Variants in UBR3 observed in about 807,000 individuals in gnomAD.
The protein encoded by UBR3 is ubiquitin protein ligase E3 component n-recognin 3, also known as E3 ubiquitin-protein ligase UBR3.
In UBR3, 85 loss-of-function variants were observed where a neutral mutation model predicts 243.2. That is an observed-to-expected ratio of 0.35 (90% confidence interval 0.29 to 0.42). The LOEUF (loss-of-function observed/expected upper bound fraction) is 0.42, where lower values mean the gene tolerates loss of function less well. UBR3 is among the 10% of genes least tolerant of loss of function. The pLI is 1.00. For missense variants in UBR3, 1,686 were observed against 2,300.8 expected (o/e 0.73, Z 5.47); for synonymous variants, 748 against 799.8 (o/e 0.94, Z 1.09).
chr2:169,868,980 T>A (rs991841760), intron 1 of UBR3, among the ~76,000 whole-genome samples: 7 of 152,314 alleles, frequency 4.6e-5, no homozygotes, highest in Non-Finnish European at 8.8e-5. Flanking sequence ...TCAGTTGTCC[T>A]GTATAATGTC....
chr2:169,977,318 A>G (rs1279824861), intron 24 of UBR3, among the ~76,000 whole-genome samples: 2 of 152,178 alleles, frequency 1.3e-5, no homozygotes, highest in Non-Finnish European at 1.5e-5. Context: ...ATATGTATAT[A>G]TGAAAGGGAG....
intron 11 of UBR3, among the ~76,000 whole-genome samples, chr2:169,922,221 G>A (rs1050361869): frequency 6.6e-6 from 1 of 151,520 alleles, no homozygotes; most frequent in Non-Finnish European, 1.5e-5. Flanking sequence ...GGGAGGTGGA[G>A]GTTGCAGCGA....
intron 11 of UBR3, among the ~76,000 whole-genome samples, chr2:169,922,236 T>C (rs2085731218): frequency 6.7e-6 from 1 of 148,346 alleles, no homozygotes; most frequent in African/African-American, 2.5e-5. Flanking sequence ...CAGCGAACTG[T>C]GATCGTGCCA....
chr2:169,917,793 C>A (rs2085520265), intron 11 of UBR3, among the ~76,000 whole-genome samples: 2 of 152,130 alleles, frequency 1.3e-5, no homozygotes, highest in Admixed American at 1.3e-4. Flanking sequence ...ACCTCCACCT[C>A]CTGGGTTCAA....
At chr2:169,908,986 G>A (rs987100269) in intron 10 of UBR3, among the ~76,000 whole-genome samples, 1 of 152,034 alleles carries the variant, frequency 6.6e-6, no homozygotes, top group African/African-American at 2.4e-5. Context: ...ACCAAGCCCG[G>A]CCAATTTTTT....
chr2:169,848,034 T>C (rs1015388490), intron 1 of UBR3, among the ~76,000 whole-genome samples: 3 of 152,252 alleles, frequency 2.0e-5, no homozygotes, highest in Non-Finnish European at 4.4e-5. Flanking sequence ...CTCAGCTTCA[T>C]AGAGTTTGGC....
chr2:170,079,314 G>T (rs2091867233), intron 36 of UBR3, among the ~76,000 whole-genome samples: 1 of 152,084 alleles, frequency 6.6e-6, no homozygotes, highest in Non-Finnish European at 1.5e-5. Context: ...GAGGTGCAAT[G>T]AATTGTACAT....
chr2:169,867,149 C>T (rs1017252486), intron 1 of UBR3, among the ~76,000 whole-genome samples: 7 of 152,096 alleles, frequency 4.6e-5, no homozygotes, highest in African/African-American at 1.2e-4. Context: ...AAACATTATA[C>T]GTAGAATTAA....
chr2:169,982,520 T>C (rs1451465250), intron 24 of UBR3, among the ~76,000 whole-genome samples: 2 of 152,150 alleles, frequency 1.3e-5, no homozygotes, highest in Non-Finnish European at 2.9e-5. Context: ...GAAGTAGAAC[T>C]GTGGTATTTG....
chr2:169,873,717 T>C (rs75067462), intron 2 of UBR3, among the ~76,000 whole-genome samples: 2 of 152,082 alleles, frequency 1.3e-5, no homozygotes, highest in Admixed American at 1.3e-4. Context: ...AAAAAGAATA[T>C]ATAAAGAAAA....
chr2:170,064,803 A>ATTTTTTTTTTTTTTTTTTTTTCTTTTTT (rs2091521981), intron 35 of UBR3, among the ~76,000 whole-genome samples: 2 of 87,870 alleles, frequency 2.3e-5, no homozygotes, highest in African/African-American at 8.7e-5. Context: ...TGCTTTTTCT[A>ATTTTTTTTTTTTTTTTTTTTTCTTTTTT]TTTTTTTTTT....
chr2:170,023,828 G>A (rs936117793), intron 30 of UBR3, among the ~76,000 whole-genome samples: 3 of 151,952 alleles, frequency 2.0e-5, no homozygotes, highest in Admixed American at 6.6e-5. Context: ...CACCCACCTC[G>A]GCCTCCCAAA....
In UBR3 at chr2:169,841,775, C is replaced by T. The variant is rs376494723; in HGVS notation, c.545+13723C>T. 3.5e-4 allele frequency among the ~76,000 whole-genome samples: 54 copies of T among 152,370 alleles called. No individual in the cohort carries two copies. The South Asian group carries it at 6.6e-3, about 19-fold the overall frequency. On this transcript the variant is annotated intron_variant, in intron 1 of 38. Coordinates refer to ENST00000272793, the MANE Select transcript of UBR3 (RefSeq NM_172070.4). ...GGGCCTTGGCTGCCTTCCCGCGGGG[C>T]AGGGCTCGGGACCTGCAGCCCGCCA...
At chr2:169,849,392 ATTGT>A (rs1180866554) in intron 1 of UBR3, among the ~76,000 whole-genome samples, 1 of 152,240 alleles carries the variant, frequency 6.6e-6, no homozygotes, top group Non-Finnish European at 1.5e-5. Context: ...CTTGGTGACC[ATTGT>A]TTGTGTCCAC....
chr2:169,827,817 TACG>T lies in UBR3; in HGVS notation c.315_317del (p.Asp105del). ...GTGCCTTCTGGCGGGCGGCGGCGGC[TACG>T]ACGAGTTCTGCGCGGCGGTGCGGGC... On this transcript the variant is annotated inframe_deletion, in exon 1 of 39. Transcript: ENST00000272793. 6.7e-7 allele frequency: 1 copy of T among 1,499,266 alleles called. No homozygotes were observed. Among genetic ancestry groups the T allele is most frequent in the Non-Finnish European group, 8.9e-7 (1 of 1,128,490 alleles). 92.9% of individuals were successfully genotyped at this position (1,499,266 alleles called of 1,614,324 possible).
At chr2:169,944,151 A>G (rs1404603464) in intron 20 of UBR3, among the ~76,000 whole-genome samples, 1 of 152,212 alleles carries the variant, frequency 6.6e-6, no homozygotes, top group East Asian at 1.9e-4. Context: ...CAGTCTTTGA[A>G]TGTTTACTTA....
At chr2:169,890,530 G>T (rs1251705764) in intron 5 of UBR3, among the ~76,000 whole-genome samples, 65 of 10,192 alleles carry the variant, frequency 6.4e-3, no homozygotes, top group African/African-American at 0.013. Flanking sequence ...TTCTAGGAGA[G>T]AGAGAGAGAG....
At chr2:170,067,421 G>A (rs1458998407) in intron 35 of UBR3, among the ~76,000 whole-genome samples, 1 of 152,132 alleles carries the variant, frequency 6.6e-6, no homozygotes, top group African/African-American at 2.4e-5. Context: ...CATTATATTT[G>A]GAGACTTCAG....
intron 24 of UBR3, among the ~76,000 whole-genome samples, chr2:169,975,548 C>T (rs2088391019): frequency 6.6e-6 from 1 of 152,192 alleles, no homozygotes; most frequent in African/African-American, 2.4e-5. Context: ...TGAGAGTGGG[C>T]TGTTGCCAAC....
Sources: gnomAD v4.1 joint callset for allele counts (sites outside exome capture counted in the v4.1 genomes callset) on GRCh38, gnomAD v4.1.1 for gene constraint, MANE v1.5 for transcripts, NCBI Gene and HGNC (gene_info 2026-07-23, HGNC 2026-07-21) for gene names.